The following LRRC66 variants were observed in gnomAD, a reference collection of about 807,000 sequenced individuals.
The protein encoded by LRRC66 is leucine-rich repeat-containing protein 66.
Under a neutral mutation model 24.6 loss-of-function variants are expected in LRRC66, and 29 were observed. The ratio of observed to expected loss-of-function variants is 1.18; its 90% CI spans 0.88 to 1.61. The LOEUF is 1.61. Among genes scored for constraint, LRRC66 ranks in the 40% most tolerant of loss-of-function variants. The pLI is 0.00. For synonymous variants in LRRC66, 411 were observed against 397.6 expected, an observed-to-expected ratio of 1.03 and a Z score of -0.40; for missense variants, 1,124 against 1,058.0, an observed-to-expected ratio of 1.06 and a Z score of -0.87.
In LRRC66 at chr4:51,996,072, A is replaced by T; in HGVS notation, c.950T>A (p.Ile317Lys). ...PIHLHRMKSL[I>K]RSKAERPQGG... ...CTGGGGCCTCTCTGCTTTGCTCCTTATGAGGCTTTTCATGCGATGCAGATG... is the reference window on the plus strand; with the variant it reads ...CTGGGGCCTCTCTGCTTTGCTCCTTTTGAGGCTTTTCATGCGATGCAGATG... The change falls in exon 5 of 5, where the codon ATA becomes AAA. Residue 317 changes from isoleucine to lysine, a missense_variant. By Grantham distance (102) the Ile-to-Lys change is moderately radical. Coordinates refer to ENST00000682860, the MANE Select transcript of LRRC66 (RefSeq NM_001024611.3). The T allele has an allele frequency of 1.2e-6, 2 of 1,613,742 alleles. No individual in the cohort carries two copies. The highest frequency in any genetic ancestry group is 1.7e-6 in the Non-Finnish European group (2 of 1,179,944).
intron 2 of LRRC66, among the ~76,000 whole-genome samples, chr4:52,006,292 G>A (rs1430988927): frequency 6.6e-6 from 1 of 152,010 alleles, no homozygotes; most frequent in African/African-American, 2.4e-5. Flanking sequence ...CAAAGACTTG[G>A]AACCAACCCA....
In LRRC66 at chr4:51,996,179, T is replaced by TA. The variant is rs527389376; in HGVS notation, c.857-15dup. The stretch of plus-strand genomic sequence containing the variant: ...CCTCCTCACTCCCTGCAAGTGGGAT[T>TA]AAAAAAATACACATTGAGCGAACAT... On this transcript the variant is annotated splice_polypyrimidine_tract_variant and intron_variant, in intron 4 of 4. Coordinates refer to ENST00000682860, the MANE Select transcript of LRRC66 (RefSeq NM_001024611.3). 13 of 1,554,562 alleles carry TA rather than the reference T, an allele frequency of 8.4e-6. No homozygotes were observed. The highest frequency in any genetic ancestry group is 2.3e-5 in the East Asian group (1 of 44,074).
intron 2 of LRRC66, among the ~76,000 whole-genome samples, chr4:52,016,152 T>C (rs1215231022): frequency 6.6e-6 from 1 of 152,198 alleles, no homozygotes; most frequent in Non-Finnish European, 1.5e-5. Flanking sequence ...CAAACAATTC[T>C]GCTGACATGG....
intron 2 of LRRC66, among the ~76,000 whole-genome samples, chr4:52,005,312 C>T (rs1042469026): frequency 2.6e-5 from 4 of 152,132 alleles, no homozygotes; most frequent in African/African-American, 9.7e-5. Flanking sequence ...AGAAGACTAT[C>T]ATTTCTTTGT....
At position 51,995,223 on chromosome 4, in the gene LRRC66, G is replaced by A. The variant is rs764771650; in HGVS notation, c.1799C>T (p.Thr600Ile). Residue 600 changes from threonine (T) to isoleucine (I), a missense_variant, in exon 5 of 5, where the codon ACT becomes ATT. Coordinates refer to ENST00000682860, the MANE Select transcript of LRRC66 (RefSeq NM_001024611.3). ...KMLTHAEAQR[T>I]GDSKERGGTE... ...GCCCCCTCTTTCCTTACTATCTCCAGTCCTCTGTGCTTCTGCATGTGTTAG... is the reference window on the plus strand; with the variant it reads ...GCCCCCTCTTTCCTTACTATCTCCAATCCTCTGTGCTTCTGCATGTGTTAG... 1 of 1,614,158 alleles carries A rather than the reference G, an allele frequency of 6.2e-7. No individual in the cohort carries two copies. Among genetic ancestry groups the A allele is most frequent in the Non-Finnish European group, 8.5e-7 (1 of 1,180,034 alleles).
chr4:52,003,799 T>C (rs1378466878), intron 2 of LRRC66, among the ~76,000 whole-genome samples: 4 of 152,206 alleles, frequency 2.6e-5, no homozygotes, highest in Admixed American at 2.0e-4. Flanking sequence ...TTGAACACTT[T>C]TGAATTCTTT....
chr4:52,006,178 T>G (rs1736579712), intron 2 of LRRC66, among the ~76,000 whole-genome samples: 1 of 152,174 alleles, frequency 6.6e-6, no homozygotes, highest in African/African-American at 2.4e-5. Context: ...AAATACCATT[T>G]GACCCAGCCA....
chr4:51,998,937 A>T (rs997559246), intron 3 of LRRC66, among the ~76,000 whole-genome samples: 2 of 152,234 alleles, frequency 1.3e-5, no homozygotes, highest in African/African-American at 4.8e-5. Flanking sequence ...AGCACCTAGT[A>T]CATAGCAGGT....
Position 51,994,467 on chromosome 4 carries a change from A to T in LRRC66, c.2555T>A (p.Leu852Ter), listed in dbSNP as rs1246679961. 6.2e-7 allele frequency: 1 copy of T among 1,614,250 alleles called. No individual in the cohort carries two copies. The highest frequency in any genetic ancestry group is 1.3e-5 in the African/African-American group (1 of 75,066). ...AGCAGAACATGGTGGTGTTTGCTGT[A>T]AAACGTCCACATTTGAAAATTCTAA... ...RDLEFSNVDVLQQTPPCSAEV... is the reference protein window; with the variant it reads ...RDLEFSNVDV Residue 852 changes from leucine (L) to a stop codon, truncating the protein, a stop_gained, in exon 5 of 5, where the codon TTA becomes TAA. Transcript: ENST00000682860. LOFTEE classifies it low-confidence loss of function (END_TRUNC).
chr4:52,019,890 G>A (rs1736904068), intron 1 of LRRC66, among the ~76,000 whole-genome samples: 1 of 152,038 alleles, frequency 6.6e-6, no homozygotes, highest in Admixed American at 6.5e-5. Context: ...ATACATGTTA[G>A]GTTTGAGTTC....
chr4:52,018,694 T>G (rs1736875696), intron 1 of LRRC66: 4 of 706,248 alleles, frequency 5.7e-6, no homozygotes, highest in Non-Finnish European at 7.0e-6. Flanking sequence ...CCTTATTGCC[T>G]ATAGTCCAAA....
chr4:51,998,671 GAACAAGA>G (rs1301098850), intron 3 of LRRC66, among the ~76,000 whole-genome samples: 1 of 152,202 alleles, frequency 6.6e-6, no homozygotes, highest in Non-Finnish European at 1.5e-5. Flanking sequence ...GGGGAAAGGG[GAACAAGA>G]AGTATCCAGT....
rs763194589 is a variant in LRRC66, at chr4:51,995,278, C to T, written c.1744G>A (p.Gly582Arg). The change falls in exon 5 of 5, where the codon GGA (glycine) becomes AGA (arginine). Residue 582 changes from glycine (G) to arginine (R), a missense_variant. Physicochemically the swap from Gly to Arg is moderately radical, Grantham distance 125 (BLOSUM62 -2). Coordinates refer to ENST00000682860, the MANE Select transcript of LRRC66 (RefSeq NM_001024611.3). ...TTACAGAGGGAAGCTGTTATTTCTCCGGAGAGGGAAGGGTCTAATTCATTG... is the reference window on the plus strand; with the variant it reads ...TTACAGAGGGAAGCTGTTATTTCTCTGGAGAGGGAAGGGTCTAATTCATTG... Reference protein sequence around the residue: ...DSNELDPSLSGEITASLCKML... With the variant: ...DSNELDPSLSREITASLCKML... The T allele has an allele frequency of 5.6e-6, 9 of 1,614,126 alleles. No homozygotes were observed. The highest frequency in any genetic ancestry group is 1.6e-4 in the Middle Eastern group (1 of 6,062).
At chr4:52,008,444 G>A (rs1230964511) in intron 2 of LRRC66, among the ~76,000 whole-genome samples, 4 of 151,482 alleles carry the variant, frequency 2.6e-5, no homozygotes, top group Non-Finnish European at 5.9e-5. Flanking sequence ...AGTTGCACAC[G>A]GGGAAAGCTG....
At chr4:52,020,235 G>GA (rs1736914262) in intron 1 of LRRC66, among the ~76,000 whole-genome samples, 69 bp downstream of exon 1, 1 of 152,136 alleles carries the variant, frequency 6.6e-6, no homozygotes, top group South Asian at 2.1e-4. Context: ...AAAACTGAAG[G>GA]AAAAAAGCAA....
chr4:52,009,385 T>C (rs73246098), intron 2 of LRRC66, among the ~76,000 whole-genome samples: 3,529 of 151,904 alleles, frequency 0.023, 62 homozygotes, highest in Non-Finnish European at 0.037. Context: ...AGAAAGGAAA[T>C]CATAAAGATC....
chr4:52,011,656 G>A (rs2110201433), intron 2 of LRRC66, among the ~76,000 whole-genome samples: 1 of 152,210 alleles, frequency 6.6e-6, no homozygotes, highest in Non-Finnish European at 1.5e-5. Context: ...GGCACTAAAG[G>A]GGAACTAATG....
chr4:52,015,970 A>G (rs149189686), intron 2 of LRRC66, among the ~76,000 whole-genome samples: 33 of 152,266 alleles, frequency 2.2e-4, no homozygotes, highest in African/African-American at 7.5e-4. Context: ...AATGACTTTA[A>G]TTTTTCCCTT....
chr4:52,016,095 T>C (rs1391978552), intron 2 of LRRC66, among the ~76,000 whole-genome samples: 1 of 152,144 alleles, frequency 6.6e-6, no homozygotes, highest in Non-Finnish European at 1.5e-5. Context: ...AAATATGACA[T>C]ACTACTTTTA....
Sources: gnomAD v4.1 joint callset for allele counts (sites outside exome capture counted in the v4.1 genomes callset) on GRCh38, gnomAD v4.1.1 for gene constraint, MANE v1.5 for transcripts, NCBI Gene and HGNC (gene_info 2026-07-23, HGNC 2026-07-21) for gene names.